IQANK1: variants seen among roughly 807,000 people sequenced by gnomAD.
IQANK1 encodes the protein IQ motif and ankyrin repeat domain-containing protein 1.
A neutral mutation model predicts 22.6 loss-of-function variants in IQANK1; 30 were observed. That is an observed-to-expected ratio of 1.33 (90% CI 0.99 to 1.80). IQANK1 has a LOEUF of 1.80. Among genes scored for constraint, IQANK1 ranks in the 40% most tolerant of loss-of-function variants. The probability of loss-of-function intolerance (pLI) is 0.00; values close to 1 mark genes in which losing one functional copy is unlikely to be tolerated. For synonymous variants in IQANK1, 122 were observed against 99.6 expected (o/e 1.23, Z -1.34); for missense variants, 275 against 235.2 (o/e 1.17, Z -1.11).
rs1471538798 is a variant in IQANK1 at position 143,774,397 on chromosome 8, G to A, written c.789+1915G>A. 2.6e-5 allele frequency among the ~76,000 whole-genome samples: 4 copies of A among 152,148 alleles called. No homozygotes were observed. The highest frequency in any genetic ancestry group is 9.7e-5 in the African/African-American group (4 of 41,428). The stretch of plus-strand genomic sequence containing the variant: ...GGTATAAAATGAGCAAAGACATGAA[G>A]AGAAATTTCACCAAAGAGGATCTAA... On this transcript the variant is annotated intron_variant, in intron 7 of 13. Transcript: ENST00000527139. The surrounding 1 kb of genome is among the most constrained non-coding windows in gnomAD (Gnocchi z 4.2).
chr8:143,788,488 G>A (rs1442056807), intron 7 of IQANK1, among the ~76,000 whole-genome samples: 1 of 152,214 alleles, frequency 6.6e-6, no homozygotes, highest in Non-Finnish European at 1.5e-5. Context: ...AGAGATCTGT[G>A]GGAGACCACA....
At chr8:143,749,579 TA>T (rs1819144954) in intron 3 of IQANK1, among the ~76,000 whole-genome samples, 3 of 127,194 alleles carry the variant, frequency 2.4e-5, no homozygotes, top group Admixed American at 8.7e-5. Flanking sequence ...ATCATATATA[TA>T]TATTTTATTT....
chr8:143,773,790 C>T (rs529979154), intron 7 of IQANK1, among the ~76,000 whole-genome samples: 1 of 152,206 alleles, frequency 6.6e-6, no homozygotes, highest in East Asian at 1.9e-4. Context: ...GGGGCAGGGC[C>T]GAGGCGGTGG....
At position 143,744,710 on chromosome 8, in the gene IQANK1, A is replaced by G. The variant is rs370754219; in HGVS notation, c.175+4762A>G. 10 of 152,296 alleles carry G rather than the reference A, an allele frequency of 6.6e-5. No individual in the cohort carries two copies. In the South Asian group the frequency reaches 1.5e-3, roughly 22 times the overall value. The allele number at this position is 152,296 out of a possible 1,614,324, so 9.4% of individuals were successfully genotyped here. A position where few individuals can be genotyped will look rare whatever the true frequency, so the allele number is the denominator to read the frequency against. On this transcript the variant is annotated intron_variant, in intron 3 of 13. Coordinates refer to ENST00000527139, the MANE Select transcript of IQANK1 (RefSeq NM_001381874.1). ...ATTCCTCAAGCAAAGCACTCCTTCT[A>G]TCAGGCTCACTGTCTTGCTGGAGGG...
intron 3 of IQANK1, chr8:143,746,342 G>A (rs556120906): frequency 6.6e-6 from 1 of 152,248 alleles, no homozygotes; most frequent in South Asian, 2.1e-4. Flanking sequence ...TTTCTAGTTT[G>A]TTGAGTGTTC....
At chr8:143,736,996 C>G (rs1037662654) in intron 2 of IQANK1, among the ~76,000 whole-genome samples, 44 of 152,260 alleles carry the variant, frequency 2.9e-4, no homozygotes, top group Non-Finnish European at 1.3e-4. Context: ...GCCTAACACC[C>G]CTGGTTGCCA....
At chr8:143,752,995 C>CATTTTTTTTTTTTTTTT (rs1563771948) in intron 3 of IQANK1, among the ~76,000 whole-genome samples, 1 of 74,700 alleles carries the variant, frequency 1.3e-5, no homozygotes, top group African/African-American at 4.8e-5. Flanking sequence ...ACTCTCTGTT[C>CATTTTTTTTTTTTTTTT]GTTTTTTTTT....
chr8:143,743,480 G>A (rs1418511777), intron 3 of IQANK1, among the ~76,000 whole-genome samples: 1 of 152,184 alleles, frequency 6.6e-6, no homozygotes, highest in Non-Finnish European at 1.5e-5. Context: ...GACTTGGGCT[G>A]TTTGACTTGA....
At chr8:143,764,573 G>GCCT (rs1819453241) in intron 3 of IQANK1, among the ~76,000 whole-genome samples, 1 of 151,956 alleles carries the variant, frequency 6.6e-6, no homozygotes, top group African/African-American at 2.4e-5. Context: ...CTGCACTCCA[G>GCCT]CCTCAGTAAC....
At chr8:143,756,246 G>A (rs543464661) in intron 3 of IQANK1, among the ~76,000 whole-genome samples, 6 of 152,230 alleles carry the variant, frequency 3.9e-5, no homozygotes, top group South Asian at 2.1e-4. Flanking sequence ...TCTTAGTCCC[G>A]ACAAAGTGGA....
intron 2 of IQANK1, 132 bp downstream of exon 2, chr8:143,736,070 A>AGTTG (rs1818729505): frequency 8.0e-6 from 5 of 622,454 alleles, no homozygotes; most frequent in Non-Finnish European, 1.5e-5. Flanking sequence ...GGGACCTCTG[A>AGTTG]GTTGGGATTA....
At chr8:143,737,906 T>G (rs1184899951) in intron 2 of IQANK1, among the ~76,000 whole-genome samples, 2 of 152,212 alleles carry the variant, frequency 1.3e-5, no homozygotes, top group African/African-American at 2.4e-5. Context: ...CCTCAGCAGT[T>G]CGGGGCCCAG....
chr8:143,735,994 CCTT>C lies in IQANK1; in HGVS notation c.85+59_85+61del. ...GTCACCCAGACACTGACCTGTGAGA[CCTT>C]CTATGTAGCCACCGAGAGACACCCC... On this transcript the variant is annotated intron_variant, in intron 2 of 13. Coordinates refer to ENST00000527139, the MANE Select transcript of IQANK1 (RefSeq NM_001381874.1). This position sits in a 1 kb window ranked among gnomAD's most constrained non-coding sequence, Gnocchi z 5.2. 1.4e-6 allele frequency: 1 copy of C among 696,602 alleles called. No homozygotes were observed. Among genetic ancestry groups the C allele is most frequent in the Non-Finnish European group, 2.6e-6 (1 of 381,772 alleles). The allele number at this position is 696,602 out of a possible 1,614,324, so 43.2% of individuals were successfully genotyped here.
At chr8:143,755,090 A>T (rs1554628379) in intron 3 of IQANK1, among the ~76,000 whole-genome samples, 1 of 152,198 alleles carries the variant, frequency 6.6e-6, no homozygotes, top group African/African-American at 2.4e-5. Context: ...CAGGGCCATT[A>T]TAGAGCTTCC....
chr8:143,739,777 T>C, intron 2 of IQANK1, 82 bp from the exon 3 acceptor site: 2 of 603,998 alleles, frequency 3.3e-6, no homozygotes, highest in Non-Finnish European at 6.0e-6. Context: ...CACGGCCCTT[T>C]CGGTGCCCCA....
At chr8:143,773,727 C>T (rs1819630788) in intron 7 of IQANK1, among the ~76,000 whole-genome samples, 1 of 152,202 alleles carries the variant, frequency 6.6e-6, no homozygotes, top group Non-Finnish European at 1.5e-5. Context: ...TGTCCTGCCC[C>T]TCTCTTCTTT....
At chr8:143,751,131 C>G (rs1554627986) in intron 3 of IQANK1, among the ~76,000 whole-genome samples, 1 of 152,130 alleles carries the variant, frequency 6.6e-6, no homozygotes, top group Non-Finnish European at 1.5e-5. Flanking sequence ...AAACTCTGTT[C>G]CTTTACAGCT....
At chr8:143,742,937 A>G (rs1015620250) in intron 3 of IQANK1, 2 of 455,954 alleles carry the variant, frequency 4.4e-6, no homozygotes, top group Admixed American at 2.3e-5. Context: ...CTTTTGCCCT[A>G]CAGTGTCCCG....
chr8:143,763,303 C>G (rs574737246), intron 3 of IQANK1, among the ~76,000 whole-genome samples: 2 of 152,216 alleles, frequency 1.3e-5, no homozygotes, highest in Non-Finnish European at 1.5e-5. Flanking sequence ...CGTGAGCCAC[C>G]GTGCCCGGCC....
Sources: allele counts gnomAD v4.1 joint callset (sites outside exome capture counted in the v4.1 genomes callset), GRCh38; gene constraint gnomAD v4.1.1; non-coding constraint Gnocchi (gnomAD v3.1); transcripts MANE v1.5; gene names NCBI Gene and HGNC (gene_info 2026-07-23, HGNC 2026-07-21).